ZNF385D: variants seen among roughly 807,000 people sequenced by gnomAD.
ZNF385D encodes zinc finger protein 385D.
A neutral mutation model predicts 35.8 loss-of-function variants in ZNF385D; 15 were observed. The ratio of observed to expected loss-of-function variants is 0.42; its 90% CI spans 0.28 to 0.64. The LOEUF (loss-of-function observed/expected upper bound fraction) is 0.64. Among genes scored for constraint, ZNF385D ranks in the 30% least tolerant of loss-of-function variants. The pLI, the probability that ZNF385D is intolerant of heterozygous loss-of-function variation, is 0.23. For missense variants in ZNF385D, 474 were observed against 494.6 expected, an observed-to-expected ratio of 0.96 and a Z score of 0.39; for synonymous variants, 212 against 186.8, an observed-to-expected ratio of 1.13 and a Z score of -1.10.
intron 3 of ZNF385D, among the ~76,000 whole-genome samples, chr3:21,848,151 C>A (rs1696135079): frequency 6.6e-6 from 1 of 151,972 alleles, no homozygotes; most frequent in Admixed American, 6.6e-5. Context: ...CAAAGCTCAT[C>A]CATGATGTAG....
At chr3:22,258,177 T>G (rs751053858) in intron 2 of ZNF385D, among the ~76,000 whole-genome samples, 3 of 151,754 alleles carry the variant, frequency 2.0e-5, no homozygotes, top group Non-Finnish European at 4.4e-5. Context: ...AGGGGAAATT[T>G]TGCCCCCAAA....
At chr3:22,319,419 T>C (rs938336606) in intron 2 of ZNF385D, among the ~76,000 whole-genome samples, 2 of 151,902 alleles carry the variant, frequency 1.3e-5, no homozygotes, top group African/African-American at 4.8e-5. Flanking sequence ...TTTTATATAA[T>C]TATAAAATGT....
At chr3:22,049,768 G>C (rs151108095) in intron 3 of ZNF385D, among the ~76,000 whole-genome samples, 2 of 151,958 alleles carry the variant, frequency 1.3e-5, no homozygotes, top group African/African-American at 2.4e-5. Flanking sequence ...TATATTTTTT[G>C]TTCCTCATTC....
At position 22,279,598 on chromosome 3, in the gene ZNF385D, A is replaced by G. The variant is rs183027081; in HGVS notation, c.106+92852T>C. 1.1e-3 allele frequency among the ~76,000 whole-genome samples: 146 copies of G among 134,692 alleles called. 1 individual carries two copies. Among genetic ancestry groups the G allele is most frequent in the African/African-American group, 4.6e-3 (139 of 30,074 alleles). The allele number at this position is 134,692 out of a possible 152,430, so 88.4% of individuals were successfully genotyped here. A position where few individuals can be genotyped will look rare whatever the true frequency, so the allele number is the denominator to read the frequency against. ...TATATACATATACATATGTACATAT[A>G]TATGTATATACATATACATATATGT... On this transcript the variant is annotated intron_variant, in intron 2 of 5. Coordinates refer to the ZNF385D transcript ENST00000494108.
intron 2 of ZNF385D, among the ~76,000 whole-genome samples, chr3:22,191,157 G>T (rs1412176735): frequency 6.6e-6 from 1 of 151,878 alleles, no homozygotes; most frequent in African/African-American, 2.4e-5. Context: ...ATTATTATTG[G>T]TCTAATTATT....
chr3:21,877,194 T>G lies in ZNF385D; in HGVS notation c.326-212166A>C, dbSNP rs189480313. ...ATAAACAAGGTCATTTCAGATACTC[T>G]TTCTGTTTGCATAGGAATGGGCATT... On this transcript the variant is annotated intron_variant, in intron 3 of 5. Transcript: ENST00000494108. Among the ~76,000 whole-genome samples, 3 of 152,188 alleles carry G rather than the reference T, an allele frequency of 2.0e-5. No individual in the cohort carries two copies. The East Asian group carries it at 5.8e-4, about 29-fold the overall frequency.
chr3:22,295,871 T>C (rs1161514988), intron 2 of ZNF385D, among the ~76,000 whole-genome samples: 1 of 152,086 alleles, frequency 6.6e-6, no homozygotes, highest in Admixed American at 6.6e-5. Context: ...AATGGCATTG[T>C]TGATCAAGAA....
At chr3:21,657,037 A>G (rs913609459) in intron 2 of ZNF385D, among the ~76,000 whole-genome samples, 2 of 151,864 alleles carry the variant, frequency 1.3e-5, no homozygotes, top group Admixed American at 1.3e-4. Context: ...GGTTGACTAC[A>G]TAAAGGATAT....
intron 3 of ZNF385D, among the ~76,000 whole-genome samples, chr3:22,073,555 G>C (rs1700326715): frequency 6.6e-6 from 1 of 151,804 alleles, no homozygotes; most frequent in Admixed American, 6.6e-5. Context: ...TTATTGGCAA[G>C]GAATAAAAAA....
chr3:21,508,136 T>C (rs990254169), intron 4 of ZNF385D, among the ~76,000 whole-genome samples: 1 of 152,154 alleles, frequency 6.6e-6, no homozygotes, highest in Non-Finnish European at 1.5e-5. Flanking sequence ...TTACAGACTT[T>C]ACTATCTCTT....
At chr3:21,968,324 C>T (rs1199027865) in intron 3 of ZNF385D, among the ~76,000 whole-genome samples, 5 of 152,072 alleles carry the variant, frequency 3.3e-5, no homozygotes, top group Admixed American at 6.5e-5. Context: ...TAAACTTAAA[C>T]GGCAGTCTAG....
chr3:21,747,609 G>A (rs909991480), intron 1 of ZNF385D, among the ~76,000 whole-genome samples: 1 of 152,222 alleles, frequency 6.6e-6, no homozygotes, highest in Non-Finnish European at 1.5e-5. Context: ...TGGAAATGGG[G>A]AGACAATTCA....
chr3:22,212,175 A>C (rs1248727399), intron 2 of ZNF385D, among the ~76,000 whole-genome samples: 8 of 152,104 alleles, frequency 5.3e-5, no homozygotes, highest in African/African-American at 1.9e-4. Context: ...AAGAGTGCAA[A>C]GGACTGAGGA....
At position 21,539,616 on chromosome 3, in the gene ZNF385D, T is replaced by C. The variant is rs1183853089; in HGVS notation, c.276+24958A>G. Among the ~76,000 whole-genome samples the C allele has an allele frequency of 6.6e-6, 1 of 152,074 alleles. No individual in the cohort carries two copies. The highest frequency in any genetic ancestry group is 2.4e-5 in the African/African-American group (1 of 41,446). On this transcript the variant is annotated intron_variant, in intron 3 of 7. Coordinates refer to ENST00000281523, the MANE Select transcript of ZNF385D (RefSeq NM_024697.3). The surrounding 1 kb of genome is among the most constrained non-coding windows in gnomAD (Gnocchi z 4.0). ...TATTGTTTCAGATTTTATAAAGTGA[T>C]AAAAATACAACAAAATACAAGAAAG...
intron 3 of ZNF385D, among the ~76,000 whole-genome samples, chr3:22,046,782 C>A (rs1699029821): frequency 6.6e-6 from 1 of 151,976 alleles, no homozygotes; most frequent in South Asian, 2.1e-4. Context: ...TACTGGTCAA[C>A]AAAAGGCACT....
chr3:22,191,218 C>T (rs780473203), intron 2 of ZNF385D, among the ~76,000 whole-genome samples: 4 of 151,846 alleles, frequency 2.6e-5, no homozygotes, highest in African/African-American at 7.2e-5. Context: ...CAGCCGGGCG[C>T]GGTGGCTCAC....
intron 3 of ZNF385D, among the ~76,000 whole-genome samples, chr3:21,882,023 C>T (rs1698302374): frequency 6.6e-6 from 1 of 152,004 alleles, no homozygotes; most frequent in Non-Finnish European, 1.5e-5. Flanking sequence ...AAAGTGGTTT[C>T]TTGAGATGGA....
chr3:22,068,023 T>A (rs370453008), intron 3 of ZNF385D, among the ~76,000 whole-genome samples: 2 of 144,778 alleles, frequency 1.4e-5, no homozygotes, highest in Admixed American at 6.8e-5. Context: ...AAAAAAAAAA[T>A]CTAAGACTTC....
intron 2 of ZNF385D, among the ~76,000 whole-genome samples, chr3:21,652,581 G>A (rs975820042): frequency 4.6e-5 from 7 of 151,624 alleles, no homozygotes; most frequent in Non-Finnish European, 7.4e-5. Context: ...CCATCAACTC[G>A]TCATTTAGCA....
Sources: gnomAD v4.1 joint callset for allele counts (sites outside exome capture counted in the v4.1 genomes callset) on GRCh38, gnomAD v4.1.1 for gene constraint, Gnocchi (gnomAD v3.1) non-coding constraint, MANE v1.5 for transcripts, NCBI Gene and HGNC (gene_info 2026-07-23, HGNC 2026-07-21) for gene names.